Variants in ARPP21 observed in about 807,000 individuals in gnomAD.
ARPP21 encodes the protein cAMP regulated phosphoprotein 21.
Under a neutral mutation model 113.2 loss-of-function variants are expected in ARPP21, and 69 were observed. The observed-to-expected ratio is 0.61, with a 90% confidence interval of 0.50 to 0.74. ARPP21 has a LOEUF of 0.74. Among genes scored for constraint, ARPP21 ranks in the 30% least tolerant of loss-of-function variants. The pLI is 0.00. For missense variants in ARPP21, 1,070 were observed against 1,037.4 expected (o/e 1.03, Z -0.43); for synonymous variants, 368 against 375.5 (o/e 0.98, Z 0.23).
chr3:35,700,932 G>A (rs2086115692), intron 9 of ARPP21, among the ~76,000 whole-genome samples: 1 of 151,574 alleles, frequency 6.6e-6, no homozygotes. Flanking sequence ...TATAAATGAC[G>A]AGTTGATGGG....
intron 1 of ARPP21, among the ~76,000 whole-genome samples, chr3:35,673,604 A>G (rs1285108825): frequency 6.6e-6 from 1 of 152,038 alleles, no homozygotes; most frequent in Non-Finnish European, 1.5e-5. Flanking sequence ...TATTTTCCCT[A>G]ATGTATATAT....
intron 1 of ARPP21, chr3:35,651,734 T>C (rs1359719886): frequency 1.3e-5 from 2 of 152,108 alleles, no homozygotes; most frequent in Admixed American, 1.3e-4. Flanking sequence ...CATTTTTTTC[T>C]GGTGATCATA....
intron 1 of ARPP21, among the ~76,000 whole-genome samples, chr3:35,672,266 G>A (rs949341439): frequency 6.7e-6 from 1 of 149,236 alleles, no homozygotes; most frequent in Admixed American, 6.7e-5. Context: ...AAAATATTCT[G>A]GACAGTAGGA....
At chr3:35,704,668 G>A (rs1559680313) in intron 9 of ARPP21, among the ~76,000 whole-genome samples, 1 of 151,814 alleles carries the variant, frequency 6.6e-6, no homozygotes, top group African/African-American at 2.4e-5. Context: ...ATAATTATAG[G>A]ATTTAAAATT....
intron 19 of ARPP21, among the ~76,000 whole-genome samples, chr3:35,784,178 T>A (rs892098729): frequency 1.3e-5 from 2 of 152,156 alleles, no homozygotes; most frequent in African/African-American, 2.4e-5. Context: ...GAAGAAATAG[T>A]CAATAACATT....
intron 5 of ARPP21, 79 bp downstream of exon 5, chr3:35,683,894 C>T (rs1467299768): frequency 1.0e-6 from 1 of 984,106 alleles, no homozygotes; most frequent in African/African-American, 1.6e-5. Context: ...TGGTGTTAAA[C>T]AGTGTTTTGG....
intron 19 of ARPP21, among the ~76,000 whole-genome samples, chr3:35,762,132 A>T (rs949482350): frequency 0.015 from 1,864 of 127,950 alleles, 40 homozygotes; most frequent in African/African-American, 0.059. Flanking sequence ...TCTCTCACAC[A>T]CACACACACA....
At chr3:35,783,461 G>A (rs2096568061) in intron 19 of ARPP21, among the ~76,000 whole-genome samples, 1 of 151,750 alleles carries the variant, frequency 6.6e-6, no homozygotes, top group Admixed American at 6.6e-5. Context: ...GCCGCTCATA[G>A]ATGCCAGTTT....
chr3:35,769,903 A>C (rs1270289587), intron 19 of ARPP21, among the ~76,000 whole-genome samples: 1 of 152,116 alleles, frequency 6.6e-6, no homozygotes, highest in East Asian at 1.9e-4. Flanking sequence ...AAAATGTACA[A>C]ACAATTTATT....
chr3:35,718,676 G>T (rs1185726915), intron 13 of ARPP21, among the ~76,000 whole-genome samples: 3 of 152,118 alleles, frequency 2.0e-5, no homozygotes, highest in Admixed American at 1.3e-4. Flanking sequence ...AGCAATTCAA[G>T]ATGTAGATCA....
At chr3:35,668,883 A>T (rs1427959898) in intron 1 of ARPP21, among the ~76,000 whole-genome samples, 1 of 152,144 alleles carries the variant, frequency 6.6e-6, no homozygotes, top group African/African-American at 2.4e-5. Flanking sequence ...GGCATAGAAC[A>T]CATTTTTCTA....
chr3:35,661,217 C>G (rs1272977407), intron 1 of ARPP21, among the ~76,000 whole-genome samples: 1 of 152,148 alleles, frequency 6.6e-6, no homozygotes, highest in East Asian at 1.9e-4. Flanking sequence ...CAAATCTCAG[C>G]CTTGTAAAAC....
chr3:35,673,912 T>TA (rs1490912555), intron 1 of ARPP21, among the ~76,000 whole-genome samples: 1 of 151,990 alleles, frequency 6.6e-6, no homozygotes, highest in Admixed American at 6.6e-5. Flanking sequence ...CCCCCATTTA[T>TA]AAAAAATGCC....
At chr3:35,746,208 A>C (rs1185875094) in intron 19 of ARPP21, among the ~76,000 whole-genome samples, 1 of 152,194 alleles carries the variant, frequency 6.6e-6, no homozygotes, top group African/African-American at 2.4e-5. Context: ...GAATGTACCT[A>C]GTATTTGGGA....
intron 9 of ARPP21, among the ~76,000 whole-genome samples, chr3:35,695,509 G>T (rs368979519): frequency 6.6e-6 from 1 of 151,422 alleles, no homozygotes; most frequent in Non-Finnish European, 1.5e-5. Flanking sequence ...GAAAAATGTA[G>T]TGCAACTCTT....
In ARPP21 at chr3:35,767,225, T is replaced by G. The variant is rs149494560; in HGVS notation, c.2137+23260T>G. Among the ~76,000 whole-genome samples, 20 of 152,286 alleles carry G rather than the reference T, an allele frequency of 1.3e-4. No individual in the cohort carries two copies. The East Asian group carries it at 3.9e-3, about 29-fold the overall frequency. ...GGCCATAGTGATCTCTGGGACTTAC[T>G]TTCAATTTCTTCTTTATTTCACGAT... On this transcript the variant is annotated intron_variant, in intron 19 of 20. Coordinates refer to ENST00000684406, the MANE Select transcript of ARPP21 (RefSeq NM_001385562.1).
intron 1 of ARPP21, among the ~76,000 whole-genome samples, chr3:35,667,595 A>G (rs934987266): frequency 4.6e-5 from 7 of 152,050 alleles, no homozygotes; most frequent in African/African-American, 1.7e-4. Flanking sequence ...GTTGGACTCT[A>G]TTTGTAGCTT....
At chr3:35,688,768 A>G (rs1176250011) in intron 6 of ARPP21, among the ~76,000 whole-genome samples, 1 of 151,644 alleles carries the variant, frequency 6.6e-6, no homozygotes, top group African/African-American at 2.4e-5. Context: ...TTTCTAAAAC[A>G]GTTTTAGAAA....
rs539079552 is a variant in ARPP21 at position 35,685,555 on chromosome 3, A to C, written c.261+1740A>C. ...AATCCCAGAGAACACTGGCAGATGTATACAGTATATGGATTGTATCGCTTC... is the reference window on the plus strand; with the variant it reads ...AATCCCAGAGAACACTGGCAGATGTCTACAGTATATGGATTGTATCGCTTC... On this transcript the variant is annotated intron_variant, in intron 5 of 20. Transcript: ENST00000684406. 2.0e-5 allele frequency: 20 copies of C among 985,014 alleles called. No homozygotes were observed. In the South Asian group the frequency reaches 8.5e-4, roughly 42 times the overall value. 61.0% of individuals were successfully genotyped at this position (985,014 alleles called of 1,614,324 possible). A position where few individuals can be genotyped will look rare whatever the true frequency, so the allele number is the denominator to read the frequency against.
Sources: gnomAD v4.1 joint callset for allele counts (sites outside exome capture counted in the v4.1 genomes callset) on GRCh38, gnomAD v4.1.1 for gene constraint, MANE v1.5 for transcripts, NCBI Gene and HGNC (gene_info 2026-07-23, HGNC 2026-07-21) for gene names.